The following NPAS3 variants were observed in gnomAD, a reference collection of about 807,000 sequenced individuals.
NPAS3 encodes neuronal PAS domain protein 3.
NPAS3 carries 14 observed loss-of-function variants against 73.1 expected under a neutral mutation model. The ratio of observed to expected loss-of-function variants is 0.19; its 90% CI spans 0.13 to 0.30. The LOEUF is 0.30. NPAS3 is among the 10% of genes least tolerant of loss of function. The pLI is 1.00. For synonymous variants in NPAS3, 620 were observed against 541.5 expected (o/e 1.14, Z -2.01); for missense variants, 1,096 against 1,250.0 (o/e 0.88, Z 1.86).
At chr14:33,600,764 C>T (rs1037726772) in intron 5 of NPAS3, among the ~76,000 whole-genome samples, 1 of 152,126 alleles carries the variant, frequency 6.6e-6, no homozygotes, top group South Asian at 2.1e-4. Context: ...ACAATATAAG[C>T]ACAGAAACAA....
intron 1 of NPAS3, among the ~76,000 whole-genome samples, chr14:32,950,498 GA>G (rs1207875363): frequency 6.6e-6 from 1 of 152,068 alleles, no homozygotes; most frequent in East Asian, 1.9e-4. Flanking sequence ...CTGTTAGGAT[GA>G]GAAAGATCAG....
intron 1 of NPAS3, among the ~76,000 whole-genome samples, chr14:32,997,901 A>G (rs972997633): frequency 6.6e-6 from 1 of 152,100 alleles, no homozygotes; most frequent in African/African-American, 2.4e-5. Flanking sequence ...GTATGTCTTT[A>G]TCAGCAGCAT....
At chr14:33,336,411 T>C (rs1479723683) in intron 3 of NPAS3, among the ~76,000 whole-genome samples, 1 of 152,170 alleles carries the variant, frequency 6.6e-6, no homozygotes, top group African/African-American at 2.4e-5. Context: ...CATTTTCTTT[T>C]TGGCTATCAG....
intron 4 of NPAS3, among the ~76,000 whole-genome samples, chr14:33,482,131 G>C (rs2051361287): frequency 6.6e-6 from 1 of 150,502 alleles, no homozygotes; most frequent in Non-Finnish European, 1.5e-5. Flanking sequence ...GAAAACGAAA[G>C]GTTCTTCAAG....
At chr14:33,801,380 G>C, downstream of NPAS3, 1 of 523,166 alleles carries the variant, frequency 1.9e-6, no homozygotes, top group Non-Finnish European at 3.3e-6. Context: ...GCTTTCCTTT[G>C]CATCTTTATT....
intron 6 of NPAS3, among the ~76,000 whole-genome samples, chr14:33,679,349 T>C (rs1053270493): frequency 6.6e-6 from 1 of 152,204 alleles, no homozygotes; most frequent in African/African-American, 2.4e-5. Context: ...TTAAATGAAA[T>C]ATCTTCACTA....
At chr14:33,470,958 C>T (rs1339741559) in intron 4 of NPAS3, among the ~76,000 whole-genome samples, 2 of 150,294 alleles carry the variant, frequency 1.3e-5, no homozygotes, top group African/African-American at 5.0e-5. Flanking sequence ...AGAATGTTCT[C>T]TTTATGAAGT....
chr14:32,980,757 C>A (rs1005312208), intron 1 of NPAS3, among the ~76,000 whole-genome samples: 1 of 152,076 alleles, frequency 6.6e-6, no homozygotes, highest in Non-Finnish European at 1.5e-5. Flanking sequence ...TGCTTGCCAC[C>A]TGAATCAAGT....
chr14:33,428,137 T>C (rs1431367408), intron 4 of NPAS3, among the ~76,000 whole-genome samples: 4 of 152,068 alleles, frequency 2.6e-5, no homozygotes, highest in African/African-American at 7.2e-5. Flanking sequence ...GAGATGGTCT[T>C]TGCTGTAAGA....
chr14:33,655,935 A>G (rs2059133374), intron 5 of NPAS3, among the ~76,000 whole-genome samples: 1 of 152,142 alleles, frequency 6.6e-6, no homozygotes. Context: ...CTGAGCAGAA[A>G]TAAATTATGG....
chr14:33,119,541 C>T (rs1595487841), intron 2 of NPAS3, among the ~76,000 whole-genome samples: 1 of 152,022 alleles, frequency 6.6e-6, no homozygotes, highest in Non-Finnish European at 1.5e-5. Context: ...TGTACTACAC[C>T]AGATAAGTCA....
intron 7 of NPAS3, among the ~76,000 whole-genome samples, chr14:33,752,480 A>C (rs1291963804): frequency 1.3e-5 from 2 of 152,234 alleles, no homozygotes; most frequent in African/African-American, 4.8e-5. Flanking sequence ...AAGCTAAAAA[A>C]AAGAACTGGA....
chr14:33,184,931 G>A (rs990469922), intron 2 of NPAS3, among the ~76,000 whole-genome samples: 2 of 152,142 alleles, frequency 1.3e-5, no homozygotes, highest in Admixed American at 6.5e-5. Context: ...AGTCTTATCT[G>A]CCTATCTTCT....
downstream of NPAS3, chr14:33,801,642 T>C (rs570140388): frequency 6.5e-6 from 1 of 152,812 alleles, no homozygotes; most frequent in Non-Finnish European, 1.5e-5. Context: ...TTTAATTCTC[T>C]TTTTACGGTT....
At chr14:33,004,767 T>C (rs1293399063) in intron 1 of NPAS3, among the ~76,000 whole-genome samples, 1 of 148,342 alleles carries the variant, frequency 6.7e-6, no homozygotes, top group African/African-American at 2.4e-5. Flanking sequence ...CAAAAATACA[T>C]TTTTCTTTAT....
intron 3 of NPAS3, among the ~76,000 whole-genome samples, chr14:33,341,837 T>A (rs904722314): frequency 2.0e-5 from 3 of 152,138 alleles, no homozygotes; most frequent in African/African-American, 7.2e-5. Flanking sequence ...ATTAGAAGGG[T>A]TCATTGAAAG....
intron 6 of NPAS3, among the ~76,000 whole-genome samples, chr14:33,715,574 C>G (rs1010603901): frequency 2.0e-5 from 3 of 152,126 alleles, no homozygotes; most frequent in Non-Finnish European, 2.9e-5. Context: ...TCAGCTAGCT[C>G]TATACGTCTG....
intron 5 of NPAS3, among the ~76,000 whole-genome samples, chr14:33,585,288 G>A (rs2056823356): frequency 6.6e-6 from 1 of 152,162 alleles, no homozygotes; most frequent in South Asian, 2.1e-4. Flanking sequence ...ACGAAGGTTA[G>A]CAGTGTGAAG....
At chr14:33,679,654 A>C (rs2059877480) in intron 6 of NPAS3, among the ~76,000 whole-genome samples, 1 of 152,192 alleles carries the variant, frequency 6.6e-6, no homozygotes, top group South Asian at 2.1e-4. Context: ...AGAAGCCCTG[A>C]TGTGTTCAGT....
Sources: allele counts gnomAD v4.1 joint callset (sites outside exome capture counted in the v4.1 genomes callset), GRCh38; gene constraint gnomAD v4.1.1; transcripts MANE v1.5; gene names NCBI Gene and HGNC (gene_info 2026-07-23, HGNC 2026-07-21).